The following ERFL variants were observed in gnomAD, a reference collection of about 807,000 sequenced individuals.
ERFL encodes the protein ETS repressor factor like.
Under a neutral mutation model 27.9 loss-of-function variants are expected in ERFL, and 8 were observed. The observed-to-expected ratio is 0.29, with a 90% CI of 0.17 to 0.52. The LOEUF (loss-of-function observed/expected upper bound fraction) is 0.52, where lower values mean the gene tolerates loss of function less well. ERFL is among the 20% of genes least tolerant of loss of function. The probability of loss-of-function intolerance (pLI) is 0.97; values close to 1 mark genes in which losing one functional copy is unlikely to be tolerated. For synonymous variants in ERFL, 174 were observed against 202.8 expected (o/e 0.86, Z 1.21); for missense variants, 294 against 444.4 (o/e 0.66, Z 3.04).
rs1257178894 is a variant in ERFL at position 41,907,991 on chromosome 19, AC to A, written c.*236del. On this transcript the variant is annotated 3_prime_UTR_variant, in exon 6 of 6. Coordinates refer to ENST00000597630, the MANE Select transcript of ERFL (RefSeq NM_001365103.2). ...ACTTTGGGAGTGGGGCCAGGCGGGGACCCCCCTCAAACTGGAGCCTGGGGAG... is the reference window on the plus strand; with the variant it reads ...ACTTTGGGAGTGGGGCCAGGCGGGGACCCCCTCAAACTGGAGCCTGGGGAG... 13 of 397,590 alleles carry A rather than the reference AC, an allele frequency of 3.3e-5. No homozygotes were observed. Among genetic ancestry groups the A allele is most frequent in the Non-Finnish European group, 4.8e-5 (11 of 228,934 alleles). 24.6% of individuals were successfully genotyped at this position (397,590 alleles called of 1,614,324 possible). A position where few individuals can be genotyped will look rare whatever the true frequency, so the allele number is the denominator to read the frequency against.
At position 41,910,126 on chromosome 19, in the gene ERFL, GGGTCA is replaced by G. The variant is rs1428544303; in HGVS notation, c.68-34_68-30del. 1.3e-6 allele frequency: 2 copies of G among 1,593,262 alleles called. No homozygotes were observed. The highest frequency in any genetic ancestry group is 1.7e-6 in the Non-Finnish European group (2 of 1,169,896). On this transcript the variant is annotated intron_variant, in intron 2 of 5. Coordinates refer to ENST00000597630, the MANE Select transcript of ERFL (RefSeq NM_001365103.2). This position sits in a 1 kb window ranked among gnomAD's most constrained non-coding sequence, Gnocchi z 4.4. The stretch of plus-strand genomic sequence containing the variant: ...GGGACGGGAGGCAGGGAGTGGCCTG[GGGTCA>G]GGATGCCAAGTCCAGGGCTCTGGGT...
At chr19:41,923,478 AGG>A (rs2074853122) in intron 1 of ERFL, among the ~76,000 whole-genome samples, 1 of 151,046 alleles carries the variant, frequency 6.6e-6, no homozygotes. Context: ...ACAAAAAGAC[AGG>A]GTGAGACAGA....
rs2074841708 is a variant in ERFL, at chr19:41,921,422, C to T, written c.-14+6618G>A. Among the ~76,000 whole-genome samples, 1 of 152,086 alleles carries T rather than the reference C, an allele frequency of 6.6e-6. No individual in the cohort carries two copies. Among genetic ancestry groups the T allele is most frequent in the Admixed American group, 6.5e-5 (1 of 15,270 alleles). ...GGGAAGGCACAGAGAAGGAAAGAGA[C>T]ACAGAGGACAAGGACAGGTCCCACA... On this transcript the variant is annotated intron_variant, in intron 1 of 5. Coordinates refer to ENST00000597630, the MANE Select transcript of ERFL (RefSeq NM_001365103.2). The surrounding 1 kb of genome is among the most constrained non-coding windows in gnomAD (Gnocchi z 4.4).
chr19:41,916,904 C>A lies in ERFL; in HGVS notation c.-13-3972G>T, dbSNP rs2074805066. 6.6e-6 allele frequency among the ~76,000 whole-genome samples: 1 copy of A among 152,138 alleles called. No homozygotes were observed. The highest frequency in any genetic ancestry group is 1.5e-5 in the Non-Finnish European group (1 of 68,016). On this transcript the variant is annotated intron_variant, in intron 1 of 5. Coordinates refer to ENST00000597630, the MANE Select transcript of ERFL (RefSeq NM_001365103.2). This position sits in a 1 kb window ranked among gnomAD's most constrained non-coding sequence, Gnocchi z 5.4. ...CAGACACACTGGGTAGGGGTGGGCACTCAGAGATGACCCCAACCCAAGGCC... is the reference window on the plus strand; with the variant it reads ...CAGACACACTGGGTAGGGGTGGGCAATCAGAGATGACCCCAACCCAAGGCC...
chr19:41,912,505 C>T (rs2074758949), intron 2 of ERFL, among the ~76,000 whole-genome samples: 1 of 152,238 alleles, frequency 6.6e-6, no homozygotes, highest in African/African-American at 2.4e-5. Flanking sequence ...CCCCTCCAGC[C>T]CAGTCCCTGC....
In ERFL at chr19:41,916,344, C is replaced by T. The variant is rs1379042045; in HGVS notation, c.-13-3412G>A. On this transcript the variant is annotated intron_variant, in intron 1 of 5. Transcript: ENST00000597630. The surrounding 1 kb of genome is among the most constrained non-coding windows in gnomAD (Gnocchi z 5.4). ...ACACACACCAACAAAGCAACGCATA[C>T]CACTGCTGCCACACACAACCCACAT... Among the ~76,000 whole-genome samples, 2 of 152,050 alleles carry T rather than the reference C, an allele frequency of 1.3e-5. No individual in the cohort carries two copies. The highest frequency in any genetic ancestry group is 2.4e-5 in the African/African-American group (1 of 41,382).
intron 1 of ERFL, among the ~76,000 whole-genome samples, chr19:41,915,941 C>A (rs577804820): frequency 6.6e-6 from 1 of 152,122 alleles, no homozygotes; most frequent in African/African-American, 2.4e-5. Context: ...CACCCCCCTC[C>A]CCCCCGCCGG....
At position 41,908,788 on chromosome 19, in the gene ERFL, G is replaced by T; in HGVS notation, c.617-112C>A. ...CATCTCCCCGCATCCCTCCTACATG[G>T]CATCTTACCCCCTCATACAGCTTCC... is the stretch of plus-strand genomic sequence containing the variant. On this transcript the variant is annotated intron_variant, in intron 5 of 5. Coordinates refer to ENST00000597630, the MANE Select transcript of ERFL (RefSeq NM_001365103.2). This position sits in a 1 kb window ranked among gnomAD's most constrained non-coding sequence, Gnocchi z 6.7. 1.9e-6 allele frequency: 1 copy of T among 540,428 alleles called. No individual in the cohort carries two copies. Among genetic ancestry groups the T allele is most frequent in the South Asian group, 9.9e-5 (1 of 10,088 alleles). 33.5% of individuals were successfully genotyped at this position (540,428 alleles called of 1,614,324 possible).
In ERFL at chr19:41,919,512, TAC is replaced by T. The variant is rs60525805; in HGVS notation, c.-13-6582_-13-6581del. ...CCACCCACGTGTGCACGTGCACGCG[TAC>T]ACACACACACACACACACACACGTC... On this transcript the variant is annotated intron_variant, in intron 1 of 5. Transcript: ENST00000597630. Among the ~76,000 whole-genome samples the T allele has an allele frequency of 6.7e-3, 979 of 145,570 alleles. 4 individuals carry two copies. The highest frequency in any genetic ancestry group is 0.023 in the East Asian group (114 of 4,900).
intron 1 of ERFL, chr19:41,923,368 A>G (rs1221415006): frequency 5.7e-6 from 2 of 351,862 alleles, no homozygotes; most frequent in African/African-American, 4.3e-5. Flanking sequence ...AGAGAGAGTC[A>G]GAGAGCTGTA....
At chr19:41,918,543 TACAC>T (rs782505434) in intron 1 of ERFL, among the ~76,000 whole-genome samples, 4 of 113,988 alleles carry the variant, frequency 3.5e-5, no homozygotes, top group Middle Eastern at 8.5e-3. Context: ...ACACTCACCA[TACAC>T]ACACACATCA....
chr19:41,923,428 TAC>T (rs1442073820), intron 1 of ERFL, among the ~76,000 whole-genome samples: 4 of 148,326 alleles, frequency 2.7e-5, no homozygotes, highest in Non-Finnish European at 6.0e-5. Context: ...ACCAGAGAAA[TAC>T]AGAGAACAAA....
In ERFL at chr19:41,910,948, C is replaced by T. The variant is rs1182639765; in HGVS notation, c.68-851G>A. ...CATCACAACACAGAATTACACATCT[C>T]AAGACTGGGACTTACTAACAACACA... On this transcript the variant is annotated intron_variant, in intron 2 of 5. Coordinates refer to ENST00000597630, the MANE Select transcript of ERFL (RefSeq NM_001365103.2). This position sits in a 1 kb window ranked among gnomAD's most constrained non-coding sequence, Gnocchi z 4.4. Among the ~76,000 whole-genome samples, 2 of 152,174 alleles carry T rather than the reference C, an allele frequency of 1.3e-5. No homozygotes were observed. The highest frequency in any genetic ancestry group is 4.8e-5 in the African/African-American group (2 of 41,432).
intron 1 of ERFL, chr19:41,923,194 A>G: frequency 2.2e-6 from 1 of 456,434 alleles, no homozygotes; most frequent in Non-Finnish European, 4.4e-6. Flanking sequence ...AACTTGGCCA[A>G]AGTCCCACAG....
At chr19:41,922,768 C>T (rs966681866) in intron 1 of ERFL, among the ~76,000 whole-genome samples, 7 of 152,132 alleles carry the variant, frequency 4.6e-5, no homozygotes, top group African/African-American at 7.2e-5. Flanking sequence ...GCATCAGGCG[C>T]GGTGCTAATT....
At chr19:41,915,187 CG>C (rs2074792779) in intron 1 of ERFL, among the ~76,000 whole-genome samples, 1 of 136,284 alleles carries the variant, frequency 7.3e-6, no homozygotes, top group Non-Finnish European at 1.6e-5. Context: ...TTTCTCTTCC[CG>C]ACGCTTTCAA....
intron 1 of ERFL, among the ~76,000 whole-genome samples, chr19:41,924,427 AC>A (rs1317638593): frequency 6.6e-6 from 1 of 152,132 alleles, no homozygotes; most frequent in Non-Finnish European, 1.5e-5. Flanking sequence ...TCCTGTGAGG[AC>A]AAATGAGACA....
chr19:41,909,599 A>G lies in ERFL; in HGVS notation c.303-128T>C, dbSNP rs1025727678. On this transcript the variant is annotated intron_variant, in intron 3 of 5. Coordinates refer to ENST00000597630, the MANE Select transcript of ERFL (RefSeq NM_001365103.2). This position sits in a 1 kb window ranked among gnomAD's most constrained non-coding sequence, Gnocchi z 5.2. ...CTAGAACTTGGGGAAACTGAGGCTC[A>G]CAGAAGTCCCTTAATAGGGATCACA... is the stretch of plus-strand genomic sequence containing the variant. 7.1e-6 allele frequency: 6 copies of G among 847,040 alleles called. No homozygotes were observed. Among genetic ancestry groups the G allele is most frequent in the African/African-American group, 1.7e-5 (1 of 57,624 alleles). The allele number at this position is 847,040 out of a possible 1,614,324, so 52.5% of individuals were successfully genotyped here.
Position 41,908,983 on chromosome 19 carries a change from CT to C in ERFL, c.616+76del, listed in dbSNP as rs2074736557. ...CCCCCTTCCCCATCTCTTCTCTTGT[CT>C]TTTCTCATCCTCTTCCCTCAAGCCT... On this transcript the variant is annotated intron_variant, in intron 5 of 5. Coordinates refer to ENST00000597630, the MANE Select transcript of ERFL (RefSeq NM_001365103.2). The surrounding 1 kb of genome is among the most constrained non-coding windows in gnomAD (Gnocchi z 6.7). 2.1e-6 allele frequency: 2 copies of C among 946,906 alleles called. No homozygotes were observed. The highest frequency in any genetic ancestry group is 1.1e-4 in the South Asian group (2 of 17,974). 58.7% of individuals were successfully genotyped at this position (946,906 alleles called of 1,614,324 possible).
Sources: allele counts gnomAD v4.1 joint callset (sites outside exome capture counted in the v4.1 genomes callset), GRCh38; gene constraint gnomAD v4.1.1; non-coding constraint Gnocchi (gnomAD v3.1); transcripts MANE v1.5; gene names NCBI Gene and HGNC (gene_info 2026-07-23, HGNC 2026-07-21).